The following FRMD4A variants were observed in gnomAD, a reference collection of about 807,000 sequenced individuals.
The protein encoded by FRMD4A is FERM domain containing 4A.
FRMD4A carries 29 observed loss-of-function variants against 129.1 expected under a neutral mutation model. The observed-to-expected ratio is 0.22, with a 90% confidence interval of 0.17 to 0.31. FRMD4A has a LOEUF of 0.31. Among genes scored for constraint, FRMD4A ranks in the 10% least tolerant of loss-of-function variants. The probability of loss-of-function intolerance (pLI) is 1.00; values close to 1 mark genes in which losing one functional copy is unlikely to be tolerated. For synonymous variants in FRMD4A, 634 were observed against 571.6 expected, an observed-to-expected ratio of 1.11 and a Z score of -1.56; for missense variants, 1,272 against 1,375.8, an observed-to-expected ratio of 0.92 and a Z score of 1.19.
intron 2 of FRMD4A, among the ~76,000 whole-genome samples, chr10:14,050,541 G>GT (rs1356930539): frequency 1.3e-5 from 2 of 152,090 alleles, no homozygotes; most frequent in East Asian, 3.9e-4. Context: ...TCATAAGATC[G>GT]TTAAGGGAGG....
chr10:13,703,670 G>A (rs190130596), intron 13 of FRMD4A, among the ~76,000 whole-genome samples: 1 of 152,290 alleles, frequency 6.6e-6, no homozygotes, highest in East Asian at 1.9e-4. Context: ...AAGGCCACAA[G>A]CAATAGGATG....
At chr10:13,658,150 A>AAG in intron 21 of FRMD4A, among the ~76,000 whole-genome samples, 1 of 150,972 alleles carries the variant, frequency 6.6e-6, no homozygotes, top group Admixed American at 6.6e-5. Context: ...AAAAAAAAAA[A>AAG]AAAAAAAGAA....
At chr10:14,280,172 G>A (rs1299363541) in intron 2 of FRMD4A, among the ~76,000 whole-genome samples, 1 of 152,192 alleles carries the variant, frequency 6.6e-6, no homozygotes, top group Non-Finnish European at 1.5e-5. Context: ...GTGCGATGTG[G>A]TGGTGGAGCA....
chr10:13,668,333 G>C (rs2083227600), intron 17 of FRMD4A: 1 of 152,242 alleles, frequency 6.6e-6, no homozygotes, highest in African/African-American at 2.4e-5. Context: ...CTGTTCCTGA[G>C]CTGTTACAAT....
chr10:14,177,059 A>G (rs2084966219), intron 2 of FRMD4A, among the ~76,000 whole-genome samples: 1 of 152,138 alleles, frequency 6.6e-6, no homozygotes, highest in South Asian at 2.1e-4. Context: ...TTTACTTTCG[A>G]CAATTCTTTC....
At chr10:14,016,146 A>T (rs569311232) in intron 2 of FRMD4A, among the ~76,000 whole-genome samples, 1 of 152,370 alleles carries the variant, frequency 6.6e-6, no homozygotes, top group Admixed American at 6.5e-5. Context: ...AAATGTCATC[A>T]CAAGGGGAAG....
chr10:14,099,996 C>T (rs759102316), intron 2 of FRMD4A, among the ~76,000 whole-genome samples: 1 of 152,182 alleles, frequency 6.6e-6, no homozygotes, highest in Non-Finnish European at 1.5e-5. Flanking sequence ...AGTTCTCTGT[C>T]CCTGCCATTT....
chr10:13,999,407 G>A (rs946700068), intron 2 of FRMD4A, among the ~76,000 whole-genome samples: 1 of 152,154 alleles, frequency 6.6e-6, no homozygotes, highest in Admixed American at 6.5e-5. Context: ...CCATTCCCAG[G>A]GATATCTGTA....
At chr10:14,162,684 T>A (rs1475217849) in intron 2 of FRMD4A, among the ~76,000 whole-genome samples, 7 of 147,376 alleles carry the variant, frequency 4.7e-5, no homozygotes, top group Admixed American at 3.5e-4. Flanking sequence ...CCATTTGAAG[T>A]ATTGCATCAG....
intron 2 of FRMD4A, among the ~76,000 whole-genome samples, chr10:14,259,835 C>T (rs1844738033): frequency 6.9e-6 from 1 of 144,782 alleles, no homozygotes; most frequent in African/African-American, 2.8e-5. Context: ...TTAGGATGGA[C>T]ACCATGACAA....
intron 2 of FRMD4A, among the ~76,000 whole-genome samples, chr10:13,932,701 G>A (rs916993361): frequency 1.3e-5 from 2 of 152,134 alleles, no homozygotes; most frequent in Admixed American, 1.3e-4. Context: ...TAAAATGATA[G>A]TGAATGATGA....
intron 6 of FRMD4A, among the ~76,000 whole-genome samples, chr10:13,764,029 C>T (rs1169289944): frequency 6.6e-6 from 1 of 152,210 alleles, no homozygotes; most frequent in East Asian, 1.9e-4. Flanking sequence ...GCCACTGCAC[C>T]CGGCCAAAAC....
At chr10:14,006,859 A>G (rs2095664023) in intron 2 of FRMD4A, among the ~76,000 whole-genome samples, 1 of 152,242 alleles carries the variant, frequency 6.6e-6, no homozygotes, top group Non-Finnish European at 1.5e-5. Flanking sequence ...AATACATATT[A>G]GTTGATGATC....
chr10:14,182,180 A>G (rs1841935207), intron 2 of FRMD4A, among the ~76,000 whole-genome samples: 1 of 152,204 alleles, frequency 6.6e-6, no homozygotes. Context: ...ATAGTGATCA[A>G]TGGAGATGGG....
chr10:14,008,389 G>T (rs752866043), intron 2 of FRMD4A: 2 of 1,023,998 alleles, frequency 2.0e-6, no homozygotes, highest in South Asian at 7.4e-5. Context: ...CAACTTCAGC[G>T]CCCACGAAGC....
chr10:14,101,676 G>C (rs974598213), intron 2 of FRMD4A, among the ~76,000 whole-genome samples: 3 of 152,114 alleles, frequency 2.0e-5, no homozygotes, highest in Admixed American at 1.3e-4. Context: ...GGTCTTTATG[G>C]TCACCATCTC....
At chr10:14,299,661 G>A (rs1846121259) in intron 2 of FRMD4A, among the ~76,000 whole-genome samples, 1 of 152,096 alleles carries the variant, frequency 6.6e-6, no homozygotes, top group African/African-American at 2.4e-5. Context: ...TGGGGGCTCT[G>A]GCCATAAGCA....
At chr10:14,095,236 C>T (rs1036519700) in intron 2 of FRMD4A, among the ~76,000 whole-genome samples, 3 of 152,158 alleles carry the variant, frequency 2.0e-5, no homozygotes, top group Admixed American at 2.0e-4. Flanking sequence ...CCATTCAGCT[C>T]ATGACACTTC....
intron 2 of FRMD4A, among the ~76,000 whole-genome samples, chr10:14,095,004 G>T (rs1370304809): frequency 1.3e-5 from 2 of 152,046 alleles, no homozygotes; most frequent in African/African-American, 4.8e-5. Flanking sequence ...CCATATGCAT[G>T]GATGTATATC....
Sources: allele counts gnomAD v4.1 joint callset (sites outside exome capture counted in the v4.1 genomes callset), GRCh38; gene constraint gnomAD v4.1.1; transcripts MANE v1.5; gene names NCBI Gene and HGNC (gene_info 2026-07-23, HGNC 2026-07-21).